The following MGAM2 variants were observed in gnomAD, a reference collection of about 807,000 sequenced individuals.
MGAM2 encodes probable maltase-glucoamylase 2.
A neutral mutation model predicts 96.1 loss-of-function variants in MGAM2; 98 were observed. The ratio of observed to expected loss-of-function variants is 1.02; its 90% CI spans 0.87 to 1.21. MGAM2 has a LOEUF of 1.21. Ranked by LOEUF, MGAM2 falls within the 50% of genes most tolerant of loss-of-function variation. MGAM2 has a pLI of 0.00. For synonymous variants in MGAM2, 749 were observed against 414.8 expected (o/e 1.81, Z -9.79); for missense variants, 2,055 against 1,182.4 (o/e 1.74, Z -10.82).
intron 32 of MGAM2, among the ~76,000 whole-genome samples, chr7:142,182,142 T>G (rs1042681470): frequency 2.0e-5 from 3 of 152,122 alleles, no homozygotes; most frequent in African/African-American, 7.2e-5. Context: ...CCTCCCCTAC[T>G]CAAGCCTCAG....
intron 47 of MGAM2, among the ~76,000 whole-genome samples, chr7:142,218,950 T>A (rs1797842676): frequency 6.6e-6 from 1 of 152,190 alleles, no homozygotes; most frequent in Non-Finnish European, 1.5e-5. Context: ...CTGGTCAAAT[T>A]GATGGATCTT....
At chr7:142,125,631 A>C (rs955951128) in intron 3 of MGAM2, among the ~76,000 whole-genome samples, 1 of 152,158 alleles carries the variant, frequency 6.6e-6, no homozygotes, top group African/African-American at 2.4e-5. Flanking sequence ...AGAGTTAATA[A>C]GTATATTTAA....
chr7:142,170,910 G>T (rs147516686), intron 27 of MGAM2, among the ~76,000 whole-genome samples: 1 of 152,172 alleles, frequency 6.6e-6, no homozygotes, highest in African/African-American at 2.4e-5. Context: ...TGTTCTAAGA[G>T]TTTCATGCTT....
chr7:142,217,711 G>T (rs1585229712), intron 46 of MGAM2, among the ~76,000 whole-genome samples: 1 of 152,102 alleles, frequency 6.6e-6, no homozygotes, highest in Admixed American at 6.5e-5. Context: ...TAACATACTA[G>T]GGTGATGATA....
intron 8 of MGAM2, 142 bp from the exon 9 acceptor site, chr7:142,137,291 T>A: frequency 2.2e-6 from 1 of 451,068 alleles, no homozygotes; most frequent in South Asian, 4.5e-5. Flanking sequence ...CCAACAACGA[T>A]CCTCTGATAA....
At chr7:142,206,717 A>G (rs1797413022) in intron 45 of MGAM2, among the ~76,000 whole-genome samples, 1 of 152,216 alleles carries the variant, frequency 6.6e-6, no homozygotes, top group Non-Finnish European at 1.5e-5. Context: ...AAACTTGTAA[A>G]TTTTTATGGA....
At chr7:142,136,707 T>A in intron 8 of MGAM2, 67 bp downstream of exon 8, 2 of 609,974 alleles carry the variant, frequency 3.3e-6, no homozygotes, top group South Asian at 3.9e-5. Flanking sequence ...TATAAAAAAT[T>A]ACTTTTATGG....
intron 1 of MGAM2, among the ~76,000 whole-genome samples, chr7:142,112,045 G>A (rs1401250017): frequency 8.1e-6 from 1 of 123,718 alleles, no homozygotes; most frequent in Admixed American, 8.3e-5. Context: ...TGTGTGTGTG[G>A]TGTCAGTGTT....
chr7:142,190,757 T>A (rs1796843061), intron 37 of MGAM2, among the ~76,000 whole-genome samples: 1 of 152,232 alleles, frequency 6.6e-6, no homozygotes. Context: ...GAGCATGTTT[T>A]CATATGCTAT....
In MGAM2 at chr7:142,160,019, G is replaced by A. The variant is rs561330315; in HGVS notation, c.2221-115G>A. On this transcript the variant is annotated intron_variant, in intron 20 of 47. Transcript: ENST00000477922. Reference sequence around the variant, plus strand: ...TTTCAGCAAGTCACTTCACTTTGGGGTTCTCTGTTTGTCTCTTCTTTAAAA... The same window carrying A: ...TTTCAGCAAGTCACTTCACTTTGGGATTCTCTGTTTGTCTCTTCTTTAAAA... 77 of 587,064 alleles carry A rather than the reference G, an allele frequency of 1.3e-4. 1 individual carries two copies. Among genetic ancestry groups the A allele is most frequent in the Non-Finnish European group, 2.0e-4 (65 of 330,668 alleles). 36.4% of individuals were successfully genotyped at this position (587,064 alleles called of 1,614,324 possible). A position where few individuals can be genotyped will look rare whatever the true frequency, so the allele number is the denominator to read the frequency against.
rs573825531 is a variant in MGAM2, at chr7:142,148,267, C to T, written c.1634+694C>T. Among the ~76,000 whole-genome samples, 260 of 151,864 alleles carry T rather than the reference C, an allele frequency of 1.7e-3. 1 individual carries two copies. The highest frequency in any genetic ancestry group is 5.9e-3 in the African/African-American group (245 of 41,434). On this transcript the variant is annotated intron_variant, in intron 15 of 47. Transcript: ENST00000477922. The surrounding 1 kb of genome is among the most constrained non-coding windows in gnomAD (Gnocchi z 4.2). ...ACCACAGTTATCACCACCATCCCCC[C>T]CACCACCACAATCACTATCACCATC...
chr7:142,155,770 T>G (rs926962481), intron 17 of MGAM2, among the ~76,000 whole-genome samples: 2 of 152,190 alleles, frequency 1.3e-5, no homozygotes, highest in African/African-American at 2.4e-5. Context: ...GAAGCTAGGT[T>G]TAAGCACGTA....
chr7:142,185,926 C>T, intron 34 of MGAM2, 63 bp from the exon 35 acceptor site: 1 of 672,614 alleles, frequency 1.5e-6, no homozygotes, highest in Non-Finnish European at 2.7e-6. Context: ...CTGTTCATCT[C>T]CCATTTGTGG....
At chr7:142,219,402 G>T (rs1476594309) in intron 47 of MGAM2, among the ~76,000 whole-genome samples, 1 of 152,094 alleles carries the variant, frequency 6.6e-6, no homozygotes, top group Non-Finnish European at 1.5e-5. Flanking sequence ...ACCACTCTTT[G>T]CAAGTAATTG....
At chr7:142,199,043 G>A (rs545512449) in intron 44 of MGAM2, among the ~76,000 whole-genome samples, 5 of 152,206 alleles carry the variant, frequency 3.3e-5, no homozygotes, top group Non-Finnish European at 7.4e-5. Flanking sequence ...AATAGGGAAT[G>A]TTAATGAGCT....
chr7:142,159,156 C>T, intron 19 of MGAM2, 131 bp from the exon 20 acceptor site: 1 of 606,498 alleles, frequency 1.6e-6, no homozygotes, highest in Non-Finnish European at 3.0e-6. Context: ...CTGTGTTTTC[C>T]TTTGTAGAAT....
chr7:142,216,420 A>T (rs1192210531), intron 46 of MGAM2, among the ~76,000 whole-genome samples: 1 of 152,168 alleles, frequency 6.6e-6, no homozygotes, highest in Non-Finnish European at 1.5e-5. Context: ...CATTTTTCTG[A>T]TAAATGAATT....
At chr7:142,133,763 A>G (rs553123358) in intron 6 of MGAM2, among the ~76,000 whole-genome samples, 2 of 152,216 alleles carry the variant, frequency 1.3e-5, no homozygotes, top group Non-Finnish European at 2.9e-5. Context: ...TCTTTCCCCA[A>G]TTGTCCAACC....
chr7:142,113,802 A>T (rs1213990819), intron 1 of MGAM2, among the ~76,000 whole-genome samples: 1 of 152,154 alleles, frequency 6.6e-6, no homozygotes, highest in Non-Finnish European at 1.5e-5. Flanking sequence ...TAGTTTAAAA[A>T]AGAAGCCTAT....
Sources: allele counts gnomAD v4.1 joint callset (sites outside exome capture counted in the v4.1 genomes callset), GRCh38; gene constraint gnomAD v4.1.1; non-coding constraint Gnocchi (gnomAD v3.1); transcripts MANE v1.5; gene names NCBI Gene and HGNC (gene_info 2026-07-23, HGNC 2026-07-21).